Variants in PROS1 observed in about 807,000 individuals in gnomAD.
The protein encoded by PROS1 is vitamin K-dependent protein S.
A neutral mutation model predicts 75.9 loss-of-function variants in PROS1; 29 were observed. The ratio of observed to expected loss-of-function variants is 0.38; its 90% confidence interval spans 0.28 to 0.52. The LOEUF is 0.52. PROS1 is among the 20% of genes least tolerant of loss of function. The probability of loss-of-function intolerance (pLI) is 0.83; values close to 1 mark genes in which losing one functional copy is unlikely to be tolerated. For synonymous variants in PROS1, 245 were observed against 280.6 expected (o/e 0.87, Z 1.27); for missense variants, 680 against 810.3 (o/e 0.84, Z 1.95).
chr3:93,877,244 T>G, intron 13 of PROS1, 53 bp from the exon 14 acceptor site: 1 of 1,381,960 alleles, frequency 7.2e-7, no homozygotes, highest in Non-Finnish European at 1.0e-6. Context: ...GTAATGCTGC[T>G]TAAGAGTGAC....
At chr3:93,890,192 C>G (rs1411109163) in intron 10 of PROS1, among the ~76,000 whole-genome samples, 1 of 152,058 alleles carries the variant, frequency 6.6e-6, no homozygotes, top group Admixed American at 6.6e-5. Flanking sequence ...GGGGAAAAAA[C>G]CCCACCCTGG....
intron 2 of PROS1, among the ~76,000 whole-genome samples, chr3:93,925,161 T>G (rs557110261): frequency 2.0e-5 from 3 of 152,286 alleles, no homozygotes; most frequent in African/African-American, 4.8e-5. Flanking sequence ...CTCAGGCTAG[T>G]CCACAAAAGC....
intron 1 of PROS1, chr3:93,967,809 A>G (rs1409172249): frequency 6.6e-6 from 1 of 152,210 alleles, no homozygotes; most frequent in Non-Finnish European, 1.5e-5. Context: ...GGATCCCTTG[A>G]ACCTGGCAGG....
intron 6 of PROS1, among the ~76,000 whole-genome samples, chr3:93,901,863 A>C (rs1244079482): frequency 2.0e-5 from 3 of 152,222 alleles, no homozygotes; most frequent in Non-Finnish European, 2.9e-5. Flanking sequence ...GGTATATAGC[A>C]TCTCTCTGTA....
intron 7 of PROS1, among the ~76,000 whole-genome samples, chr3:93,899,802 A>G (rs1023883287): frequency 2.6e-5 from 4 of 152,226 alleles, no homozygotes; most frequent in African/African-American, 9.6e-5. Context: ...CTCACTGCTT[A>G]ATGGTTACTG....
At chr3:93,913,116 G>A (rs1490126986) in intron 3 of PROS1, among the ~76,000 whole-genome samples, 2 of 151,994 alleles carry the variant, frequency 1.3e-5, no homozygotes, top group East Asian at 3.9e-4. Flanking sequence ...TTTTCCCCAT[G>A]CTGTTCTCAT....
intron 1 of PROS1, among the ~76,000 whole-genome samples, chr3:93,931,382 G>A (rs1338701270): frequency 1.3e-5 from 2 of 152,120 alleles, no homozygotes; most frequent in African/African-American, 4.8e-5. Flanking sequence ...TAGAGACACT[G>A]ATGTCATTAG....
rs866561381 is a variant in PROS1 at position 93,906,122 on chromosome 3, G to C, written c.368C>G (p.Pro123Arg). 1 of 1,613,546 alleles carries C rather than the reference G, an allele frequency of 6.2e-7. No individual in the cohort carries two copies. Among genetic ancestry groups the C allele is most frequent in the Non-Finnish European group, 8.5e-7 (1 of 1,179,914 alleles). The change falls in exon 5 of 15, where the codon CCT becomes CGT. Residue 123 changes from proline to arginine, a missense_variant. Transcript: ENST00000394236. The part of the protein sequence containing the change: ...CVNAIPDQCS[P>R]LPCNEDGYMS... ...ATATCCATCTTCATTGCATGGCAGA[G>C]GACTACACTGGTCTGGAATGGCTGA...
intron 1 of PROS1, among the ~76,000 whole-genome samples, chr3:93,960,525 C>A (rs543123286): frequency 5.6e-5 from 8 of 142,098 alleles, no homozygotes; most frequent in African/African-American, 2.1e-4. Flanking sequence ...ACACCACCTC[C>A]ATTGCTCTTT....
intron 1 of PROS1, 146 bp downstream of exon 1, chr3:93,973,528 C>A: frequency 1.3e-6 from 1 of 795,418 alleles, no homozygotes; most frequent in South Asian, 1.5e-5. Context: ...CTATCCACGG[C>A]TGTTTCCATC....
At chr3:93,973,648 G>C (rs370537931) in intron 1 of PROS1, 26 bp downstream of exon 1, 51 of 1,609,358 alleles carry the variant, frequency 3.2e-5, no homozygotes, top group Non-Finnish European at 4.3e-5. Flanking sequence ...CTGGGGAAGG[G>C]AGAAGAGACG....
intron 1 of PROS1, among the ~76,000 whole-genome samples, chr3:93,933,605 A>G (rs1281242800): frequency 1.3e-5 from 2 of 151,872 alleles, no homozygotes; most frequent in African/African-American, 2.4e-5. Flanking sequence ...CTGAGAAAAA[A>G]GAATTGCATA....
chr3:93,902,883 G>A (rs1435256417), intron 6 of PROS1, among the ~76,000 whole-genome samples: 1 of 151,946 alleles, frequency 6.6e-6, no homozygotes, highest in East Asian at 1.9e-4. Flanking sequence ...GTTTTTTGTG[G>A]TTTTGGTTTG....
At chr3:93,881,339 T>TGTAAATATAGACTAC (rs1386156038) in intron 12 of PROS1, among the ~76,000 whole-genome samples, 2 of 151,392 alleles carry the variant, frequency 1.3e-5, no homozygotes, top group African/African-American at 2.4e-5. Flanking sequence ...AACAAACAAA[T>TGTAAATATAGACTAC]GTAGTAAATA....
chr3:93,933,837 C>T (rs1448831646), intron 1 of PROS1, among the ~76,000 whole-genome samples: 2 of 151,804 alleles, frequency 1.3e-5, no homozygotes, highest in African/African-American at 2.4e-5. Context: ...GGTGAAACCC[C>T]GTCTCTACTA....
At chr3:93,970,704 T>C (rs1709866681) in intron 1 of PROS1, among the ~76,000 whole-genome samples, 1 of 152,174 alleles carries the variant, frequency 6.6e-6, no homozygotes. Context: ...TATGTATGTA[T>C]ATATATGTAT....
chr3:93,968,583 C>A (rs1456625260), intron 1 of PROS1, among the ~76,000 whole-genome samples: 1 of 152,120 alleles, frequency 6.6e-6, no homozygotes, highest in African/African-American at 2.4e-5. Context: ...TACATTCCGT[C>A]CTCACAACTG....
chr3:93,936,681 G>T (rs1482844009), intron 1 of PROS1, among the ~76,000 whole-genome samples: 1 of 152,072 alleles, frequency 6.6e-6, no homozygotes, highest in Non-Finnish European at 1.5e-5. Context: ...AAATTTCTAT[G>T]GTTTAAGCCA....
chr3:93,928,698 T>C, intron 1 of PROS1: 9 of 1,215,294 alleles, frequency 7.4e-6, no homozygotes, highest in Non-Finnish European at 9.9e-6. Flanking sequence ...AGGAAAATAC[T>C]TACAGCATAT....
Sources: allele counts gnomAD v4.1 joint callset (sites outside exome capture counted in the v4.1 genomes callset), GRCh38; gene constraint gnomAD v4.1.1; transcripts MANE v1.5; gene names NCBI Gene and HGNC (gene_info 2026-07-23, HGNC 2026-07-21).